The following SNTG1 variants were observed in gnomAD, a reference collection of about 807,000 sequenced individuals.
SNTG1 encodes syntrophin gamma 1, also known as gamma-1-syntrophin.
A neutral mutation model predicts 74.7 loss-of-function variants in SNTG1; 39 were observed. That is an observed-to-expected ratio of 0.52 (90% CI 0.40 to 0.68). The LOEUF (loss-of-function observed/expected upper bound fraction) is 0.68. SNTG1 is among the 30% of genes least tolerant of loss of function. The pLI is 0.00. For synonymous variants in SNTG1, 254 were observed against 217.1 expected (o/e 1.17, Z -1.49); for missense variants, 685 against 609.5 (o/e 1.12, Z -1.30).
chr8:49,999,867 A>C (rs1309481863), intron 1 of SNTG1, among the ~76,000 whole-genome samples: 1 of 152,122 alleles, frequency 6.6e-6, no homozygotes, highest in South Asian at 2.1e-4. Flanking sequence ...GCCTCTGTCC[A>C]CTAGAATGGA....
chr8:50,770,257 G>A (rs2131780621), intron 18 of SNTG1, among the ~76,000 whole-genome samples: 1 of 152,138 alleles, frequency 6.6e-6, no homozygotes, highest in Middle Eastern at 3.4e-3. Flanking sequence ...TTCTGGAAAG[G>A]CAATGAGAAA....
chr8:50,434,341 A>G (rs534783285), intron 4 of SNTG1, among the ~76,000 whole-genome samples: 1 of 152,326 alleles, frequency 6.6e-6, no homozygotes, highest in South Asian at 2.1e-4. Context: ...ATAGTGCCAC[A>G]ATAAATATAC....
intron 17 of SNTG1, among the ~76,000 whole-genome samples, chr8:50,720,406 A>T (rs1434068766): frequency 6.6e-6 from 1 of 152,198 alleles, no homozygotes; most frequent in Non-Finnish European, 1.5e-5. Context: ...TTATTTATTG[A>T]AGACATTCTT....
At chr8:50,107,627 T>G (rs1308502378) in intron 1 of SNTG1, among the ~76,000 whole-genome samples, 1 of 152,074 alleles carries the variant, frequency 6.6e-6, no homozygotes, top group Non-Finnish European at 1.5e-5. Context: ...CTTGGCTCAC[T>G]GAAACCTCTG....
chr8:50,611,904 C>T (rs1269378870), intron 13 of SNTG1, among the ~76,000 whole-genome samples: 1 of 152,092 alleles, frequency 6.6e-6, no homozygotes, highest in Non-Finnish European at 1.5e-5. Context: ...ATAGCTGGGA[C>T]TACAGGCATT....
intron 18 of SNTG1, among the ~76,000 whole-genome samples, chr8:50,766,902 A>G (rs919620994): frequency 1.3e-5 from 2 of 151,944 alleles, no homozygotes; most frequent in African/African-American, 4.8e-5. Flanking sequence ...TGAAGTTATG[A>G]TTGTCAATAA....
rs548794627 is a variant in SNTG1 at position 50,709,357 on chromosome 8, C to T, written c.1284+379C>T. On this transcript the variant is annotated intron_variant, in intron 17 of 18. Coordinates refer to ENST00000642720, the MANE Select transcript of SNTG1 (RefSeq NM_018967.5). ...TTTACCTGCATCAACTTCTGCAATACAAAAAGAAAGAAAACATGTTGTTTT... is the reference window on the plus strand; with the variant it reads ...TTTACCTGCATCAACTTCTGCAATATAAAAAGAAAGAAAACATGTTGTTTT... Among the ~76,000 whole-genome samples the T allele has an allele frequency of 2.1e-4, 32 of 151,440 alleles. 1 individual carries two copies. The highest frequency in any genetic ancestry group is 7.1e-4 in the African/African-American group (29 of 41,106).
intron 9 of SNTG1, among the ~76,000 whole-genome samples, chr8:50,516,109 A>G (rs2094131820): frequency 6.6e-6 from 1 of 152,134 alleles, no homozygotes. Context: ...AACAGGCAAC[A>G]ATTTTTGCTG....
chr8:50,731,354 G>A (rs2095512535), intron 17 of SNTG1, among the ~76,000 whole-genome samples: 1 of 152,076 alleles, frequency 6.6e-6, no homozygotes, highest in Admixed American at 6.6e-5. Context: ...AACTTTACCA[G>A]TATGAGAAAA....
chr8:50,734,988 T>A (rs954359490), intron 17 of SNTG1, among the ~76,000 whole-genome samples: 3 of 147,460 alleles, frequency 2.0e-5, no homozygotes, highest in Admixed American at 1.4e-4. Context: ...TCCATATATA[T>A]GTCCATATAT....
chr8:50,524,151 ACTC>A (rs2094202022), intron 9 of SNTG1, among the ~76,000 whole-genome samples: 1 of 151,748 alleles, frequency 6.6e-6, no homozygotes, highest in Non-Finnish European at 1.5e-5. Context: ...TATTTCTGTG[ACTC>A]TAATAGGTAT....
intron 8 of SNTG1, among the ~76,000 whole-genome samples, chr8:50,487,143 A>G (rs966638432): frequency 2.0e-5 from 3 of 152,178 alleles, no homozygotes; most frequent in South Asian, 2.1e-4. Flanking sequence ...GTGAGATACC[A>G]TCTCACACCA....
chr8:50,455,634 A>G (rs1288042028), intron 8 of SNTG1, among the ~76,000 whole-genome samples: 1 of 152,198 alleles, frequency 6.6e-6, no homozygotes, highest in African/African-American at 2.4e-5. Flanking sequence ...TTTCCACTGG[A>G]GTAGGAACAT....
chr8:49,995,741 G>A (rs982314913), intron 1 of SNTG1, among the ~76,000 whole-genome samples: 2 of 152,194 alleles, frequency 1.3e-5, no homozygotes, highest in Non-Finnish European at 2.9e-5. Flanking sequence ...CACACCCTCT[G>A]CGGTGTCTGT....
chr8:50,777,252 A>AAC (rs1554632457), intron 18 of SNTG1, among the ~76,000 whole-genome samples: 2 of 147,430 alleles, frequency 1.4e-5, no homozygotes, highest in Non-Finnish European at 3.0e-5. Context: ...TAATATATAT[A>AAC]ATATATATAT....
chr8:50,262,377 C>T (rs771836113), intron 2 of SNTG1, among the ~76,000 whole-genome samples: 20 of 151,984 alleles, frequency 1.3e-4, no homozygotes, highest in Non-Finnish European at 2.9e-4. Context: ...AACAGTAAAT[C>T]AAGAGAAAAT....
At chr8:49,963,076 T>C (rs576219185) in intron 1 of SNTG1, among the ~76,000 whole-genome samples, 4 of 152,302 alleles carry the variant, frequency 2.6e-5, no homozygotes, top group African/African-American at 9.6e-5. Context: ...CCTCCTGTAG[T>C]TGTAGCAGAT....
chr8:50,141,297 C>A (rs1222367457), intron 1 of SNTG1, among the ~76,000 whole-genome samples: 2 of 152,172 alleles, frequency 1.3e-5, no homozygotes, highest in Non-Finnish European at 2.9e-5. Context: ...TGAATGCCCA[C>A]CAGCAACCTG....
chr8:50,255,267 G>C (rs2086830418), intron 2 of SNTG1, among the ~76,000 whole-genome samples: 1 of 152,046 alleles, frequency 6.6e-6, no homozygotes, highest in Admixed American at 6.6e-5. Flanking sequence ...GCCATGATTG[G>C]TATTCTTAGC....
Sources: allele counts gnomAD v4.1 joint callset (sites outside exome capture counted in the v4.1 genomes callset), GRCh38; gene constraint gnomAD v4.1.1; transcripts MANE v1.5; gene names NCBI Gene and HGNC (gene_info 2026-07-23, HGNC 2026-07-21).